Variants in ATP8A1 observed in about 807,000 individuals in gnomAD.
ATP8A1 encodes the protein phospholipid-transporting ATPase IA.
In ATP8A1, 90 loss-of-function variants were observed where a neutral mutation model predicts 177.7. The ratio of observed to expected loss-of-function variants is 0.51; its 90% CI spans 0.43 to 0.60. The LOEUF is 0.60. Among genes scored for constraint, ATP8A1 ranks in the 20% least tolerant of loss-of-function variants. The pLI is 0.00. For missense variants in ATP8A1, 1,072 were observed against 1,392.8 expected, an observed-to-expected ratio of 0.77 and a Z score of 3.67; for synonymous variants, 493 against 485.9, an observed-to-expected ratio of 1.01 and a Z score of -0.19.
intron 1 of ATP8A1, among the ~76,000 whole-genome samples, chr4:42,650,036 C>T (rs1740931229): frequency 3.3e-5 from 5 of 152,172 alleles, no homozygotes; most frequent in Non-Finnish European, 5.9e-5. Context: ...ATGTCATTGA[C>T]ATTCCAATGA....
chr4:42,557,797 C>A (rs889571153), intron 15 of ATP8A1, among the ~76,000 whole-genome samples: 2 of 152,144 alleles, frequency 1.3e-5, no homozygotes, highest in Non-Finnish European at 2.9e-5. Flanking sequence ...AATCCCAGCA[C>A]TTTGGGAGGC....
intron 25 of ATP8A1, among the ~76,000 whole-genome samples, chr4:42,479,340 C>T (rs902507354): frequency 2.6e-5 from 4 of 152,304 alleles, no homozygotes; most frequent in African/African-American, 9.6e-5. Context: ...AACACCAAGC[C>T]CTTCTTTAAC....
chr4:42,578,602 AAAGTACT>A (rs1346655750), intron 11 of ATP8A1, among the ~76,000 whole-genome samples: 1 of 152,032 alleles, frequency 6.6e-6, no homozygotes, highest in African/African-American at 2.4e-5. Flanking sequence ...GAGCTGTATA[AAAGTACT>A]AAGACAGTGA....
intron 25 of ATP8A1, 99 bp downstream of exon 25, chr4:42,485,396 AC>A: frequency 8.8e-7 from 1 of 1,142,096 alleles, no homozygotes; most frequent in Non-Finnish European, 1.2e-6. Flanking sequence ...AAGTAACCTA[AC>A]TTTTGTAAAC....
chr4:42,422,473 T>C (rs896182422), intron 35 of ATP8A1, among the ~76,000 whole-genome samples: 1 of 152,256 alleles, frequency 6.6e-6, no homozygotes, highest in African/African-American at 2.4e-5. Flanking sequence ...ATAATGTTTG[T>C]AACTGCCATT....
chr4:42,581,362 T>C (rs1225386427), intron 10 of ATP8A1, among the ~76,000 whole-genome samples: 4 of 152,204 alleles, frequency 2.6e-5, no homozygotes, highest in African/African-American at 2.4e-5. Context: ...CTTGATCTCC[T>C]GACCTTGTGA....
At chr4:42,542,073 T>C (rs1426218695) in intron 20 of ATP8A1, among the ~76,000 whole-genome samples, 1 of 131,906 alleles carries the variant, frequency 7.6e-6, no homozygotes, top group African/African-American at 2.8e-5. Flanking sequence ...GTTACAAATG[T>C]ACCACTCTGG....
At chr4:42,586,203 C>T (rs896095716) in intron 9 of ATP8A1, 146 bp downstream of exon 9, 10 of 811,886 alleles carry the variant, frequency 1.2e-5, no homozygotes, top group Non-Finnish European at 1.9e-5. Context: ...CAGAAGGACT[C>T]AGGGCAGAAT....
intron 15 of ATP8A1, chr4:42,561,596 G>A (rs1016189960): frequency 2.6e-5 from 4 of 152,196 alleles, no homozygotes; most frequent in Non-Finnish European, 4.4e-5. Context: ...CCAATGAGTG[G>A]CTTCATGAAT....
At chr4:42,419,164 ACAATCCTTTCTCCTACTCAG>A (rs1219689220) in intron 35 of ATP8A1, among the ~76,000 whole-genome samples, 2 of 152,228 alleles carry the variant, frequency 1.3e-5, no homozygotes, top group Non-Finnish European at 1.5e-5. Flanking sequence ...CATCAATTCA[ACAATCCTTTCTCCTACTCAG>A]CAATCCTTTC....
At chr4:42,589,192 T>C (rs1004367926) in intron 7 of ATP8A1, among the ~76,000 whole-genome samples, 5 of 152,210 alleles carry the variant, frequency 3.3e-5, no homozygotes, top group Admixed American at 2.0e-4. Context: ...ACTACAGACA[T>C]CTAAGTTTGT....
intron 29 of ATP8A1, among the ~76,000 whole-genome samples, chr4:42,453,849 T>C (rs980016016): frequency 3.3e-5 from 5 of 152,170 alleles, no homozygotes; most frequent in African/African-American, 1.2e-4. Flanking sequence ...CTCAGATCAC[T>C]TTTTCAGGGG....
chr4:42,534,099 T>C lies in ATP8A1; in HGVS notation c.1723-9252A>G, dbSNP rs142533650. Among the ~76,000 whole-genome samples the C allele has an allele frequency of 2.6e-5, 4 of 152,254 alleles. No homozygotes were observed. In the East Asian group the frequency reaches 7.7e-4, roughly 29 times the overall value. The stretch of plus-strand genomic sequence containing the variant: ...GGAACCAGAAAAACAATTCTGGTAA[T>C]ATGACAAAACAAGGTTCTTTAATAC... On this transcript the variant is annotated intron_variant, in intron 20 of 36. Transcript: ENST00000381668.
chr4:42,576,345 A>T (rs1171998038), intron 12 of ATP8A1, among the ~76,000 whole-genome samples: 1 of 151,752 alleles, frequency 6.6e-6, no homozygotes, highest in South Asian at 2.1e-4. Flanking sequence ...GAGTGGTGGC[A>T]GGCACCTGCA....
chr4:42,540,730 A>G (rs1728305174), intron 20 of ATP8A1, among the ~76,000 whole-genome samples: 1 of 152,064 alleles, frequency 6.6e-6, no homozygotes, highest in Non-Finnish European at 1.5e-5. Context: ...AGCTAAAAAA[A>G]ATATGATCAC....
At chr4:42,520,767 A>T (rs540301545) in intron 22 of ATP8A1, among the ~76,000 whole-genome samples, 2 of 152,304 alleles carry the variant, frequency 1.3e-5, no homozygotes, top group Admixed American at 6.5e-5. Flanking sequence ...ATATATCTAC[A>T]TATCTATCTC....
intron 22 of ATP8A1, among the ~76,000 whole-genome samples, chr4:42,517,291 C>CAAAAA (rs34576268): frequency 9.8e-6 from 1 of 102,426 alleles, no homozygotes; most frequent in Non-Finnish European, 2.1e-5. Flanking sequence ...GACTCCGTCT[C>CAAAAA]AAAAAAAAAA....
In ATP8A1 at chr4:42,446,585, T is replaced by G. The variant is rs778049118; in HGVS notation, c.2956A>C (p.Thr986Pro). Reference protein sequence around the residue: ...DYLLLGNFVYTFVVITVCLKA... With the variant: ...DYLLLGNFVYPFVVITVCLKA... ...CGAGACCGACATCCCGCACTCACAGTGTACACAAAGTTTCCCAGTAGCAGA... is the reference window on the plus strand; with the variant it reads ...CGAGACCGACATCCCGCACTCACAGGGTACACAAAGTTTCCCAGTAGCAGA... The change falls in exon 31 of 37, where the codon ACT (threonine) becomes CCT (proline). Residue 986 changes from threonine to proline, a missense_variant and splice_region_variant. By Grantham distance (38) the Thr-to-Pro change is conservative. Coordinates refer to ENST00000381668, the MANE Select transcript of ATP8A1 (RefSeq NM_006095.2). 2 of 1,613,734 alleles carry G rather than the reference T, an allele frequency of 1.2e-6. No individual in the cohort carries two copies. The highest frequency in any genetic ancestry group is 1.7e-6 in the Non-Finnish European group (2 of 1,179,712).
At chr4:42,466,725 G>A (rs1486340795) in intron 25 of ATP8A1, among the ~76,000 whole-genome samples, 1 of 152,210 alleles carries the variant, frequency 6.6e-6, no homozygotes, top group Non-Finnish European at 1.5e-5. Context: ...ATGCCTATCA[G>A]GCCATTAGCA....
Sources: gnomAD v4.1 joint callset for allele counts (sites outside exome capture counted in the v4.1 genomes callset) on GRCh38, gnomAD v4.1.1 for gene constraint, MANE v1.5 for transcripts, NCBI Gene and HGNC (gene_info 2026-07-23, HGNC 2026-07-21) for gene names.